Variants in TECPR1 observed in about 807,000 individuals in gnomAD.
The protein encoded by TECPR1 is tectonin beta-propeller repeat-containing protein 1.
TECPR1 carries 122 observed loss-of-function variants against 162.4 expected under a neutral mutation model. The ratio of observed to expected loss-of-function variants is 0.75; its 90% confidence interval spans 0.65 to 0.87. The LOEUF (loss-of-function observed/expected upper bound fraction) is 0.87, where lower values mean the gene tolerates loss of function less well. Ranked by LOEUF, TECPR1 falls within the 40% of genes least tolerant of loss-of-function variation. TECPR1 has a pLI of 0.00. For missense variants in TECPR1, 1,432 were observed against 1,618.2 expected, an observed-to-expected ratio of 0.88 and a Z score of 1.97; for synonymous variants, 642 against 670.6, an observed-to-expected ratio of 0.96 and a Z score of 0.66.
At chr7:98,248,835 G>A (rs980531370) in intron 2 of TECPR1, among the ~76,000 whole-genome samples, 8 of 143,758 alleles carry the variant, frequency 5.6e-5, no homozygotes, top group Non-Finnish European at 7.8e-5. Flanking sequence ...GACAGAGTGC[G>A]ACTCCGTCTC....
intron 8 of TECPR1, among the ~76,000 whole-genome samples, chr7:98,239,558 TTAAAAAA>T (rs1798693488): frequency 2.0e-5 from 3 of 150,910 alleles, no homozygotes; most frequent in Admixed American, 2.0e-4. Flanking sequence ...CTGTCTCAAA[TTAAAAAA>T]TAAAAAAAAG....
At position 98,241,237 on chromosome 7, in the gene TECPR1, T is replaced by C; in HGVS notation, c.665A>G (p.Tyr222Cys). The C allele has an allele frequency of 6.2e-7, 1 of 1,612,324 alleles. No homozygotes were observed. The change falls in exon 7 of 26, where the codon TAC (tyrosine) becomes TGC (cysteine). Residue 222 changes from tyrosine (Y) to cysteine (C), a missense_variant. Tyr to Cys is a radical substitution (Grantham distance 194). Coordinates refer to ENST00000447648, the MANE Select transcript of TECPR1 (RefSeq NM_015395.3). The surrounding 1 kb of genome is among the most constrained non-coding windows in gnomAD (Gnocchi z 5.0). ...GTTGGAGTGGCTGACGTCCTCTCTG[T>C]ACCACACCTGGGAGGCAAGACAGGG... ...WAVSLQGKVW[Y>C]REDVSHSNPE... is the part of the protein sequence containing the mutation.
At chr7:98,243,325 C>T (rs1403920184) in intron 6 of TECPR1, 142 bp downstream of exon 6, 19 of 1,153,620 alleles carry the variant, frequency 1.6e-5, no homozygotes, top group Non-Finnish European at 2.0e-5. Context: ...GCTGGGGGCT[C>T]GGAGGAGAGA....
chr7:98,245,726 A>C (rs1798888885), intron 3 of TECPR1, among the ~76,000 whole-genome samples, 196 bp downstream of exon 3: 2 of 152,212 alleles, frequency 1.3e-5, no homozygotes, highest in Admixed American at 6.5e-5. Context: ...TGCCCGCCAC[A>C]GCCTTCCAAA....
chr7:98,232,919 C>T lies in TECPR1; in HGVS notation c.1726G>A (p.Ala576Thr), dbSNP rs1322816823. The T allele has an allele frequency of 6.2e-6, 10 of 1,612,660 alleles. No homozygotes were observed. Among genetic ancestry groups the T allele is most frequent in the South Asian group, 4.4e-5 (4 of 91,074 alleles). ...TGGAAGATCTGCTTCCTCCAGGCAG[C>T]GGTCTGGGCCGGCGTGATGGACAGG... is the stretch of plus-strand genomic sequence containing the variant. ...LSLSITPAQT[A>T]AWRKQIFQQL... Residue 576 changes from alanine to threonine, a missense_variant, in exon 12 of 26, where the codon GCT (alanine) becomes ACT (threonine). By Grantham distance (58) the Ala-to-Thr change is moderately conservative. Transcript: ENST00000447648. This position sits in a 1 kb window ranked among gnomAD's most constrained non-coding sequence, Gnocchi z 4.6.
In TECPR1 at chr7:98,236,876, C is replaced by T; in HGVS notation, c.1081G>A (p.Gly361Ser). The T allele has an allele frequency of 1.3e-6, 2 of 1,580,718 alleles. No homozygotes were observed. Among genetic ancestry groups the T allele is most frequent in the Non-Finnish European group, 1.7e-6 (2 of 1,165,418 alleles). Residue 361 changes from glycine (G) to serine (S), a missense_variant, in exon 10 of 26, where the codon GGT becomes AGT. Transcript: ENST00000447648. ...CEDRAVYFRQ[G>S]VTPSELSGKT... ...CCACTGAGCTCGCTGGGGGTGACAC[C>T]CTGCCGGAAGTACACGGCTCGGTCC...
In TECPR1 at chr7:98,251,443, C is replaced by G. The variant is rs1799061089; in HGVS notation, c.-69G>C. On this transcript the variant is annotated 5_prime_UTR_variant, in exon 2 of 26. Coordinates refer to ENST00000447648, the MANE Select transcript of TECPR1 (RefSeq NM_015395.3). Reference sequence around the variant, plus strand: ...CCTAAAAGGTTTCTTGCTTGTTTTTCTATTACACTGTCACTCCCATCCGGT... The same window carrying G: ...CCTAAAAGGTTTCTTGCTTGTTTTTGTATTACACTGTCACTCCCATCCGGT... The G allele has an allele frequency of 6.6e-6, 1 of 152,244 alleles. No homozygotes were observed. The highest frequency in any genetic ancestry group is 1.5e-5 in the Non-Finnish European group (1 of 68,090). 9.4% of individuals were successfully genotyped at this position (152,244 alleles called of 1,614,324 possible).
Position 98,218,019 on chromosome 7 carries a change from T to A in TECPR1, c.3181A>T (p.Ile1061Phe). Residue 1061 changes from isoleucine to phenylalanine, a missense_variant, in exon 24 of 26, where the codon ATC (isoleucine) becomes TTC (phenylalanine). Coordinates refer to ENST00000447648, the MANE Select transcript of TECPR1 (RefSeq NM_015395.3). ...ENGNLWYRQG[I>F]TPSYPQGSSW... Reference sequence around the variant, plus strand: ...GAGCCCTGCGGGTAGCTGGGCGTGATCCCTTGGCGATACCACAGGTTTCCT... The same window carrying A: ...GAGCCCTGCGGGTAGCTGGGCGTGAACCCTTGGCGATACCACAGGTTTCCT... 1 of 1,566,956 alleles carries A rather than the reference T, an allele frequency of 6.4e-7. No individual in the cohort carries two copies. The highest frequency in any genetic ancestry group is 1.4e-5 in the African/African-American group (1 of 73,834).
chr7:98,217,761 C>G lies in TECPR1; in HGVS notation c.3315G>C (p.Gly1105=), dbSNP rs1376753503. 1 of 1,550,904 alleles carries G rather than the reference C, an allele frequency of 6.4e-7. No homozygotes were observed. The highest frequency in any genetic ancestry group is 2.0e-5 in the Admixed American group (1 of 51,048). Residue 1105 remains glycine, a synonymous_variant, in exon 25 of 26, where the codon GGG becomes GGC. Coordinates refer to ENST00000447648, the MANE Select transcript of TECPR1 (RefSeq NM_015395.3). ...KVQGSHSLSR[G]TVCHRTGVQP... ...GCACGCCGGTGCGATGACACACTGT[C>G]CCCCGGCTCAGGCTGTGGCTGCCCT... is the stretch of plus-strand genomic sequence containing the variant.
At chr7:98,238,749 C>T (rs1442878069) in intron 8 of TECPR1, 139 bp from the exon 9 acceptor site, 10 of 721,650 alleles carry the variant, frequency 1.4e-5, no homozygotes, top group Non-Finnish European at 1.9e-5. Flanking sequence ...CATCATTTAG[C>T]GAGGAAGCCC....
Position 98,248,718 on chromosome 7 carries a change from G to A in TECPR1, c.-19-2553C>T, listed in dbSNP as rs139188822. Reference sequence around the variant, plus strand: ...GAAAATTAGCCAGGCACAGTGGCGCGTGCCTGTAATCTCAGTTACTCAGGA... The same window carrying A: ...GAAAATTAGCCAGGCACAGTGGCGCATGCCTGTAATCTCAGTTACTCAGGA... On this transcript the variant is annotated intron_variant, in intron 2 of 25. Transcript: ENST00000447648. 3.2e-3 allele frequency among the ~76,000 whole-genome samples: 485 copies of A among 151,764 alleles called. 3 individuals are homozygous for A. The highest frequency in any genetic ancestry group is 0.011 in the African/African-American group (460 of 41,436).
chr7:98,232,868 C>T lies in TECPR1; in HGVS notation c.1777G>A (p.Glu593Lys), dbSNP rs1401604622. 2 of 1,612,492 alleles carry T rather than the reference C, an allele frequency of 1.2e-6. No homozygotes were observed. ...FQQLTERTKR[E>K]LENFRHYEQA... ...TCGTAGTGTCTGAAGTTCTCCAGCT[C>T]CCGCTTGGTCCTTTCCGTGAGCTGC... The change falls in exon 12 of 26, where the codon GAG (glutamate) becomes AAG (lysine). Residue 593 changes from glutamate to lysine, a missense_variant. Coordinates refer to ENST00000447648, the MANE Select transcript of TECPR1 (RefSeq NM_015395.3). This position sits in a 1 kb window ranked among gnomAD's most constrained non-coding sequence, Gnocchi z 4.6.
At position 98,232,068 on chromosome 7, in the gene TECPR1, A is replaced by C. The variant is rs939718512; in HGVS notation, c.1819-109T>G. On this transcript the variant is annotated intron_variant, in intron 12 of 25. Transcript: ENST00000447648. The surrounding 1 kb of genome is among the most constrained non-coding windows in gnomAD (Gnocchi z 4.6). ...AGGAGGCAGGGCTGGGGTAGGGCCC[A>C]CCCAGCACTCCCGGCTGTCAGCCCA... The C allele has an allele frequency of 1.9e-5, 23 of 1,200,286 alleles. No individual in the cohort carries two copies. The highest frequency in any genetic ancestry group is 2.7e-5 in the Non-Finnish European group (23 of 862,352). The allele number at this position is 1,200,286 out of a possible 1,614,324, so 74.4% of individuals were successfully genotyped here. A position where few individuals can be genotyped will look rare whatever the true frequency, so the allele number is the denominator to read the frequency against.
intron 16 of TECPR1, chr7:98,228,499 C>T (rs1798336408): frequency 3.9e-6 from 1 of 255,054 alleles, no homozygotes; most frequent in South Asian, 5.7e-5. Context: ...TGAGCCCCGG[C>T]TTCCTCACTT....
chr7:98,245,675 T>C (rs1798887722), intron 3 of TECPR1, among the ~76,000 whole-genome samples: 1 of 152,156 alleles, frequency 6.6e-6, no homozygotes, highest in South Asian at 2.1e-4. Context: ...AGATTCACCA[T>C]GATGCCTAGG....
At chr7:98,235,849 A>AAAAAAAAAAAAAAAAAAAAAAAAAC in intron 10 of TECPR1, among the ~76,000 whole-genome samples, 5 of 110,342 alleles carry the variant, frequency 4.5e-5, no homozygotes, top group Admixed American at 9.8e-5. Context: ...AAAAAAAAAA[A>AAAAAAAAAAAAAAAAAAAAAAAAAC]AACACCATCT....
intron 13 of TECPR1, chr7:98,231,600 T>C: frequency 2.7e-6 from 1 of 371,160 alleles, no homozygotes; most frequent in Non-Finnish European, 4.5e-6. Context: ...CTCCCTCTCC[T>C]GGGGCACCCC....
chr7:98,227,957 T>C, intron 17 of TECPR1, 57 bp downstream of exon 17: 1 of 1,441,918 alleles, frequency 6.9e-7, no homozygotes, highest in East Asian at 2.4e-5. Context: ...GTCCTATTTT[T>C]GCCAGGACTA....
At chr7:98,249,786 T>C (rs559126370) in intron 2 of TECPR1, among the ~76,000 whole-genome samples, 2 of 151,952 alleles carry the variant, frequency 1.3e-5, no homozygotes, top group East Asian at 3.9e-4. Context: ...CCGTCTCTAC[T>C]AAAACTACAA....
Sources: allele counts gnomAD v4.1 joint callset (sites outside exome capture counted in the v4.1 genomes callset), GRCh38; gene constraint gnomAD v4.1.1; non-coding constraint Gnocchi (gnomAD v3.1); transcripts MANE v1.5; gene names NCBI Gene and HGNC (gene_info 2026-07-23, HGNC 2026-07-21).